The following ANKS1B variants were observed in gnomAD, a reference collection of about 807,000 sequenced individuals.
ANKS1B encodes ankyrin repeat and sterile alpha motif domain-containing protein 1B.
A neutral mutation model predicts 148.3 loss-of-function variants in ANKS1B; 36 were observed. The observed-to-expected ratio is 0.24, with a 90% CI of 0.19 to 0.32. The LOEUF (loss-of-function observed/expected upper bound fraction) is 0.32. Among genes scored for constraint, ANKS1B ranks in the 10% least tolerant of loss-of-function variants. The pLI is 1.00. For missense variants in ANKS1B, 1,157 were observed against 1,542.6 expected, an observed-to-expected ratio of 0.75 and a Z score of 4.19; for synonymous variants, 542 against 560.8, an observed-to-expected ratio of 0.97 and a Z score of 0.47.
At chr12:99,520,337 C>G (rs2096862809) in intron 9 of ANKS1B, among the ~76,000 whole-genome samples, 1 of 152,100 alleles carries the variant, frequency 6.6e-6, no homozygotes, top group Admixed American at 6.6e-5. Context: ...ATATTTTCAC[C>G]AGATATACTA....
chr12:99,913,990 C>G (rs1218454364), intron 1 of ANKS1B, among the ~76,000 whole-genome samples: 2 of 152,188 alleles, frequency 1.3e-5, no homozygotes, highest in Non-Finnish European at 2.9e-5. Flanking sequence ...CCATATCCCC[C>G]TGACTTGTCT....
chr12:99,908,957 T>A (rs998248625), intron 1 of ANKS1B, among the ~76,000 whole-genome samples: 2 of 152,200 alleles, frequency 1.3e-5, no homozygotes, highest in Non-Finnish European at 2.9e-5. Flanking sequence ...TAGACATTCA[T>A]GCTACATAAT....
At chr12:98,974,957 CCTT>C (rs971180353) in intron 17 of ANKS1B, among the ~76,000 whole-genome samples, 6 of 146,056 alleles carry the variant, frequency 4.1e-5, no homozygotes, top group Admixed American at 1.4e-4. Context: ...TTCATTTCTT[CCTT>C]CTTTCCTTTC....
chr12:98,873,766 G>A (rs1011933285), intron 17 of ANKS1B, among the ~76,000 whole-genome samples: 8 of 152,308 alleles, frequency 5.3e-5, no homozygotes, highest in African/African-American at 9.6e-5. Context: ...GACAGTCGTC[G>A]TCCTAGAGGT....
intron 1 of ANKS1B, among the ~76,000 whole-genome samples, chr12:99,905,706 CT>C (rs1565969729): frequency 1.3e-5 from 2 of 152,334 alleles, no homozygotes; most frequent in South Asian, 4.1e-4. Flanking sequence ...CAGATAGCTG[CT>C]TTCTTCCTGA....
At chr12:98,831,479 T>C (rs2099315041) in intron 18 of ANKS1B, 1 of 152,626 alleles carries the variant, frequency 6.6e-6, no homozygotes, top group East Asian at 1.9e-4. Flanking sequence ...TTCCGCTCTC[T>C]TGGCGTAGAT....
intron 17 of ANKS1B, chr12:98,931,659 T>C (rs1010653824): frequency 6.6e-6 from 1 of 152,214 alleles, no homozygotes; most frequent in Non-Finnish European, 1.5e-5. Context: ...AAACTTATGT[T>C]GTCAAATATT....
chr12:99,895,300 C>T (rs2093340981), intron 1 of ANKS1B, among the ~76,000 whole-genome samples: 1 of 150,010 alleles, frequency 6.7e-6, no homozygotes, highest in African/African-American at 2.4e-5. Context: ...GAAACAGAAC[C>T]AACGGGATAG....
At chr12:99,460,096 A>G (rs1003409333) in intron 10 of ANKS1B, among the ~76,000 whole-genome samples, 2 of 151,832 alleles carry the variant, frequency 1.3e-5, no homozygotes, top group African/African-American at 4.8e-5. Context: ...AGAACCCAGA[A>G]CCCATAAATA....
chr12:99,532,430 G>C (rs549526744), intron 9 of ANKS1B, among the ~76,000 whole-genome samples: 2 of 152,174 alleles, frequency 1.3e-5, no homozygotes, highest in Admixed American at 1.3e-4. Context: ...GCCCGATCTC[G>C]GCTCCCTGCA....
chr12:99,016,171 A>ATGAATTTCTT (rs962526358), intron 17 of ANKS1B, among the ~76,000 whole-genome samples: 1 of 151,000 alleles, frequency 6.6e-6, no homozygotes, highest in African/African-American at 2.5e-5. Flanking sequence ...TACAGCTAAC[A>ATGAATTTCTT]TGAATTTCTT....
rs2097837689 is a variant in ANKS1B, at chr12:98,744,363, A to T, written c.*1376T>A. ...TGATCATCTCAGTTAGGTTTAAAAT[A>T]ATGTCAGTTAATAAAAAAACATTAA... is the stretch of plus-strand genomic sequence containing the variant. On this transcript the variant is annotated 3_prime_UTR_variant, in exon 27 of 27. Transcript: ENST00000683438. The T allele has an allele frequency of 2.2e-6, 2 of 907,382 alleles. No homozygotes were observed. Among genetic ancestry groups the T allele is most frequent in the African/African-American group, 3.6e-5 (2 of 55,178 alleles). The allele number at this position is 907,382 out of a possible 1,614,324, so 56.2% of individuals were successfully genotyped here.
chr12:99,287,201 A>G (rs1030442337), intron 12 of ANKS1B, among the ~76,000 whole-genome samples: 1 of 152,164 alleles, frequency 6.6e-6, no homozygotes, highest in African/African-American at 2.4e-5. Context: ...GGAGCCCAGC[A>G]TGCAGAGAGA....
intron 17 of ANKS1B, among the ~76,000 whole-genome samples, chr12:98,969,827 C>G (rs1281902373): frequency 6.6e-6 from 1 of 152,178 alleles, no homozygotes; most frequent in Non-Finnish European, 1.5e-5. Flanking sequence ...ATACCTGTTA[C>G]TAAACTGAGG....
chr12:98,947,573 C>T (rs2099847357), intron 17 of ANKS1B, among the ~76,000 whole-genome samples: 1 of 152,136 alleles, frequency 6.6e-6, no homozygotes, highest in African/African-American at 2.4e-5. Flanking sequence ...TGGAGAAGTC[C>T]AACCCAAACA....
chr12:99,982,295 A>C (rs1487070659), intron 1 of ANKS1B, among the ~76,000 whole-genome samples: 2 of 151,486 alleles, frequency 1.3e-5, no homozygotes, highest in Middle Eastern at 6.8e-3. Flanking sequence ...AACATTAAAT[A>C]CTTGGTGTTT....
intron 22 of ANKS1B, among the ~76,000 whole-genome samples, chr12:98,787,711 G>A (rs912782056): frequency 4.6e-5 from 7 of 151,974 alleles, no homozygotes; most frequent in Non-Finnish European, 1.0e-4. Flanking sequence ...CCTGAGCTCA[G>A]GAGTTCGAGA....
intron 12 of ANKS1B, among the ~76,000 whole-genome samples, chr12:99,285,172 G>C (rs950154300): frequency 6.6e-6 from 1 of 152,008 alleles, no homozygotes; most frequent in Non-Finnish European, 1.5e-5. Flanking sequence ...TGTCACTATA[G>C]GTAAGTTTAG....
chr12:99,145,689 G>A (rs1043016226), intron 15 of ANKS1B, among the ~76,000 whole-genome samples: 1 of 152,044 alleles, frequency 6.6e-6, no homozygotes, highest in African/African-American at 2.4e-5. Context: ...TGAGGGCAGG[G>A]CTAGTATCTT....
Sources: allele counts gnomAD v4.1 joint callset (sites outside exome capture counted in the v4.1 genomes callset), GRCh38; gene constraint gnomAD v4.1.1; transcripts MANE v1.5; gene names NCBI Gene and HGNC (gene_info 2026-07-23, HGNC 2026-07-21).